Variants in AOAH observed in about 807,000 individuals in gnomAD.
The protein encoded by AOAH is acyloxyacyl hydrolase (neutrophil).
Under a neutral mutation model 92.2 loss-of-function variants are expected in AOAH, and 64 were observed. The observed-to-expected ratio is 0.69, with a 90% confidence interval of 0.57 to 0.86. The LOEUF (loss-of-function observed/expected upper bound fraction) is 0.86, where lower values mean the gene tolerates loss of function less well. Among genes scored for constraint, AOAH ranks in the 40% least tolerant of loss-of-function variants. AOAH has a pLI of 0.00. For missense variants in AOAH, 656 were observed against 694.6 expected, an observed-to-expected ratio of 0.94 and a Z score of 0.62; for synonymous variants, 263 against 254.5, an observed-to-expected ratio of 1.03 and a Z score of -0.32.
At chr7:36,634,021 G>A (rs758582258) in intron 5 of AOAH, among the ~76,000 whole-genome samples, 1 of 152,144 alleles carries the variant, frequency 6.6e-6, no homozygotes, top group Non-Finnish European at 1.5e-5. Context: ...GGGCAATATT[G>A]CCACGAGTTG....
chr7:36,576,060 T>C (rs1363346286), intron 13 of AOAH, among the ~76,000 whole-genome samples: 5 of 152,218 alleles, frequency 3.3e-5, no homozygotes, highest in South Asian at 4.1e-4. Context: ...CATTAGGCAT[T>C]AGCCAGGCCA....
intron 6 of AOAH, 45 bp downstream of exon 6, chr7:36,631,991 G>A (rs772408353): frequency 8.9e-6 from 13 of 1,459,690 alleles, no homozygotes; most frequent in Admixed American, 1.9e-5. Context: ...AAGCAAAGAC[G>A]TTATTACATG....
Position 36,673,980 on chromosome 7 carries a change from A to C in AOAH, c.253T>G (p.Leu85Val). 6.2e-7 allele frequency: 1 copy of C among 1,610,862 alleles called. No homozygotes were observed. The highest frequency in any genetic ancestry group is 1.1e-5 in the South Asian group (1 of 90,788). Residue 85 changes from leucine (L) to valine (V), a missense_variant, in exon 3 of 21, where the codon TTA (leucine) becomes GTA (valine). By Grantham distance (32) the Leu-to-Val change is conservative (BLOSUM62 1). Coordinates refer to ENST00000617537, the MANE Select transcript of AOAH (RefSeq NM_001637.4). ...EKLFLKTTCY[L>V]VIDKFGSDII... is the part of the protein sequence containing the mutation. Reference sequence around the variant, plus strand: ...TCTGATCCAAACTTGTCAATGACTAAATAGCAGGTGGTTTTCAAGAACAGT... The same window carrying C: ...TCTGATCCAAACTTGTCAATGACTACATAGCAGGTGGTTTTCAAGAACAGT...
At chr7:36,711,640 A>G (rs183192737) in intron 1 of AOAH, among the ~76,000 whole-genome samples, 2 of 152,338 alleles carry the variant, frequency 1.3e-5, no homozygotes, top group Admixed American at 1.3e-4. Flanking sequence ...ATTATGGAGA[A>G]GAGAGAGTGT....
chr7:36,515,160 A>G (rs148274258), intron 20 of AOAH, among the ~76,000 whole-genome samples: 33,793 of 121,006 alleles, frequency 0.28, 4,464 homozygotes, highest in Middle Eastern at 0.44. Flanking sequence ...ACAACCCCAC[A>G]CCACACACAC....
chr7:36,514,408 A>G, intron 20 of AOAH: 1 of 1,278,706 alleles, frequency 7.8e-7, no homozygotes, highest in Non-Finnish European at 1.1e-6. Flanking sequence ...CTGAAGTGCC[A>G]GAGAGGAATC....
intron 12 of AOAH, among the ~76,000 whole-genome samples, chr7:36,586,110 C>T (rs1789304060): frequency 6.6e-6 from 1 of 151,962 alleles, no homozygotes; most frequent in Non-Finnish European, 1.5e-5. Context: ...CTCTAGGCTT[C>T]ATTCTTTCCT....
chr7:36,527,225 T>C (rs1784444145), intron 19 of AOAH, among the ~76,000 whole-genome samples: 1 of 152,188 alleles, frequency 6.6e-6, no homozygotes, highest in Admixed American at 6.5e-5. Context: ...GGAAAATGAA[T>C]GGGTCTTGTG....
At chr7:36,532,375 T>G in intron 16 of AOAH, 31 bp from the exon 17 acceptor site, 6 of 1,609,960 alleles carry the variant, frequency 3.7e-6, no homozygotes, top group Non-Finnish European at 5.1e-6. Context: ...GTAGATTGCA[T>G]CCACTCGGCA....
intron 15 of AOAH, among the ~76,000 whole-genome samples, chr7:36,541,475 A>T (rs1785419919): frequency 6.6e-6 from 1 of 152,094 alleles, no homozygotes; most frequent in South Asian, 2.1e-4. Context: ...ATTTAAGCTG[A>T]TTGACTTATA....
chr7:36,620,388 G>A (rs59067623), intron 9 of AOAH, among the ~76,000 whole-genome samples: 2,817 of 151,836 alleles, frequency 0.019, 72 homozygotes, highest in African/African-American at 0.064. Context: ...TGCTCTGCCC[G>A]GCTAGGCTTA....
chr7:36,565,692 C>T (rs1272032002), intron 13 of AOAH, among the ~76,000 whole-genome samples: 1 of 151,872 alleles, frequency 6.6e-6, no homozygotes, highest in African/African-American at 2.4e-5. Context: ...GCCACCACAA[C>T]TGGCTGATTT....
At chr7:36,714,952 A>G (rs1214464592) in intron 1 of AOAH, among the ~76,000 whole-genome samples, 1 of 152,168 alleles carries the variant, frequency 6.6e-6, no homozygotes, top group Non-Finnish European at 1.5e-5. Context: ...ACACCTATTC[A>G]ACATAGTGTT....
chr7:36,523,629 GTTTTT>G (rs57628897), intron 19 of AOAH, among the ~76,000 whole-genome samples: 18 of 100,138 alleles, frequency 1.8e-4, no homozygotes, highest in African/African-American at 3.2e-4. Flanking sequence ...TGTTTTGCCT[GTTTTT>G]TTTTTTTTTT....
At chr7:36,541,794 T>C (rs1785442235) in intron 15 of AOAH, among the ~76,000 whole-genome samples, 1 of 152,250 alleles carries the variant, frequency 6.6e-6, no homozygotes, top group Admixed American at 6.5e-5. Flanking sequence ...TTCATTTCTT[T>C]GTACAATTGA....
chr7:36,523,629 G>GGTTTTTTTT lies in AOAH; in HGVS notation c.1523-1515_1523-1514insAAAAAAAAC, dbSNP rs759621905. Among the ~76,000 whole-genome samples the GGTTTTTTTT allele has an allele frequency of 1.4e-3, 137 of 100,124 alleles. 4 individuals carry two copies. Among genetic ancestry groups the GGTTTTTTTT allele is most frequent in the African/African-American group, 5.3e-3 (131 of 24,676 alleles). 65.7% of individuals were successfully genotyped at this position (100,124 alleles called of 152,430 possible). On this transcript the variant is annotated intron_variant, in intron 19 of 20. Transcript: ENST00000617537. ...TCAGTTTGCCTGGCCTGTTTTGCCT[G>GGTTTTTTTT]TTTTTTTTTTTTTTTTTTTTGGCAT... is the stretch of plus-strand genomic sequence containing the variant.
At chr7:36,569,559 A>G (rs1787967227) in intron 13 of AOAH, among the ~76,000 whole-genome samples, 1 of 149,304 alleles carries the variant, frequency 6.7e-6, no homozygotes. Flanking sequence ...TAAAACTACC[A>G]GATTTACATA....
intron 20 of AOAH, among the ~76,000 whole-genome samples, chr7:36,518,829 G>A (rs139073781): frequency 6.6e-6 from 1 of 152,108 alleles, no homozygotes; most frequent in Non-Finnish European, 1.5e-5. Context: ...TCAATCACCC[G>A]ATGATCTGGA....
intron 4 of AOAH, among the ~76,000 whole-genome samples, chr7:36,647,918 C>A (rs1584025673): frequency 6.6e-6 from 1 of 152,036 alleles, no homozygotes; most frequent in South Asian, 2.1e-4. Context: ...GCAACCTCCG[C>A]CTCCTGGGTT....
Sources: allele counts gnomAD v4.1 joint callset (sites outside exome capture counted in the v4.1 genomes callset), GRCh38; gene constraint gnomAD v4.1.1; transcripts MANE v1.5; gene names NCBI Gene and HGNC (gene_info 2026-07-23, HGNC 2026-07-21).